NEURL1: variants seen among roughly 807,000 people sequenced by gnomAD.
NEURL1 encodes the protein E3 ubiquitin-protein ligase NEURL1.
Under a neutral mutation model 41.2 loss-of-function variants are expected in NEURL1, and 26 were observed. The ratio of observed to expected loss-of-function variants is 0.63; its 90% CI spans 0.46 to 0.87. NEURL1 has a LOEUF of 0.87. Among genes scored for constraint, NEURL1 ranks in the 40% least tolerant of loss-of-function variants. NEURL1 has a pLI of 0.00. For synonymous variants in NEURL1, 400 were observed against 402.3 expected, an observed-to-expected ratio of 0.99 and a Z score of 0.07; for missense variants, 761 against 871.1, an observed-to-expected ratio of 0.87 and a Z score of 1.59.
intron 4 of NEURL1, chr10:103,589,052 T>C: frequency 2.6e-6 from 1 of 386,740 alleles, no homozygotes; most frequent in Non-Finnish European, 5.0e-6. Context: ...ACTGCAGAGG[T>C]GCCATGCAGA....
chr10:103,555,070 A>G (rs1211381393), intron 1 of NEURL1, among the ~76,000 whole-genome samples: 1 of 151,928 alleles, frequency 6.6e-6, no homozygotes, highest in East Asian at 1.9e-4. Context: ...AATAAACATG[A>G]CAGATCCCAT....
intron 1 of NEURL1, among the ~76,000 whole-genome samples, chr10:103,557,102 C>T (rs2035172809): frequency 6.6e-6 from 1 of 152,132 alleles, no homozygotes; most frequent in Non-Finnish European, 1.5e-5. Context: ...TCTCACCTGT[C>T]AATGAGGCTA....
chr10:103,494,981 G>C (rs373317848), intron 1 of NEURL1, among the ~76,000 whole-genome samples: 5 of 152,344 alleles, frequency 3.3e-5, no homozygotes, highest in African/African-American at 1.2e-4. Context: ...GTCCTTTGCA[G>C]CCGTTGGGTT....
intron 1 of NEURL1, among the ~76,000 whole-genome samples, chr10:103,552,345 G>A (rs1254473602): frequency 2.0e-5 from 3 of 152,228 alleles, no homozygotes; most frequent in Non-Finnish European, 2.9e-5. Context: ...ATCCTGGCTC[G>A]GCAATGGAGC....
At chr10:103,547,738 G>T (rs1031694077) in intron 1 of NEURL1, among the ~76,000 whole-genome samples, 2 of 152,116 alleles carry the variant, frequency 1.3e-5, no homozygotes, top group Non-Finnish European at 2.9e-5. Context: ...TGAAGGGAGG[G>T]ATGGATTGAG....
Position 103,584,724 on chromosome 10 carries a change from T to A in NEURL1, c.838T>A (p.Ser280Thr). ...GCPIPQNSLNSQHSRALPAQL... is the reference protein window; with the variant it reads ...GCPIPQNSLNTQHSRALPAQL... ...CCCCATCCCGCAGAACTCACTCAAC[T>A]CGCAGCACAGCCGCGCGCTGCCGGC... Residue 280 changes from serine (S) to threonine (T), a missense_variant, in exon 4 of 6, where the codon TCG (serine) becomes ACG (threonine). Around this residue, in one of 5 missense-constraint regions of NEURL1, gnomAD observed 443 missense variants for 408.1 expected, o/e 1.09. Transcript: ENST00000369780. 2 of 1,450,544 alleles carry A rather than the reference T, an allele frequency of 1.4e-6. No homozygotes were observed. The highest frequency in any genetic ancestry group is 1.8e-6 in the Non-Finnish European group (2 of 1,106,220). The allele number at this position is 1,450,544 out of a possible 1,614,324, so 89.9% of individuals were successfully genotyped here.
At chr10:103,540,517 T>G (rs920480041) in intron 1 of NEURL1, among the ~76,000 whole-genome samples, 8 of 152,156 alleles carry the variant, frequency 5.3e-5, no homozygotes, top group African/African-American at 1.9e-4. Context: ...CTCGAACTCC[T>G]GTCCTCAAGT....
At chr10:103,522,473 G>A (rs1341797241) in intron 1 of NEURL1, among the ~76,000 whole-genome samples, 1 of 151,748 alleles carries the variant, frequency 6.6e-6, no homozygotes, top group Non-Finnish European at 1.5e-5. Context: ...AAATTAGCCG[G>A]GTGTGGTGGC....
At chr10:103,515,644 A>T (rs1004116382) in intron 1 of NEURL1, among the ~76,000 whole-genome samples, 2 of 152,254 alleles carry the variant, frequency 1.3e-5, no homozygotes, top group African/African-American at 4.8e-5. Context: ...GTTGCCAAGA[A>T]CAAATCACCA....
rs372200333 is a variant in NEURL1, at chr10:103,501,618, T to TTTTTTATTATTATTA, written c.85+7148_85+7149insTTTATTATTATTATT. Reference sequence around the variant, plus strand: ...AGAGGTAGGTATTATTCCCACTTTATTTATTATTATTATTATTATTATTAT... The same window carrying TTTTTTATTATTATTA: ...AGAGGTAGGTATTATTCCCACTTTATTTTTTATTATTATTATTATTATTATTATTATTATTATTAT... On this transcript the variant is annotated intron_variant, in intron 1 of 5. Transcript: ENST00000369780. 8.7e-4 allele frequency among the ~76,000 whole-genome samples: 124 copies of TTTTTTATTATTATTA among 142,598 alleles called. 1 individual carries two copies. Among genetic ancestry groups the TTTTTTATTATTATTA allele is most frequent in the African/African-American group, 3.2e-3 (122 of 38,572 alleles). 93.5% of individuals were successfully genotyped at this position (142,598 alleles called of 152,430 possible).
intron 4 of NEURL1, 105 bp downstream of exon 4, chr10:103,585,330 G>T (rs2035897096): frequency 9.4e-7 from 1 of 1,065,468 alleles, no homozygotes; most frequent in South Asian, 1.8e-5. Flanking sequence ...TCATGATGGT[G>T]TTGCTAAGGA....
intron 3 of NEURL1, among the ~76,000 whole-genome samples, chr10:103,579,259 C>A (rs983842628): frequency 1.3e-4 from 20 of 152,234 alleles, no homozygotes; most frequent in Non-Finnish European, 5.9e-5. Flanking sequence ...CCCAAACCCT[C>A]CTGTGTTTCA....
intron 1 of NEURL1, among the ~76,000 whole-genome samples, chr10:103,544,905 G>A (rs2034895871): frequency 2.0e-5 from 3 of 152,200 alleles, no homozygotes; most frequent in Non-Finnish European, 4.4e-5. Flanking sequence ...ATTAAAAGGG[G>A]CTGCCCTCCC....
intron 1 of NEURL1, among the ~76,000 whole-genome samples, chr10:103,507,066 G>A (rs1449900696): frequency 6.6e-6 from 1 of 152,188 alleles, no homozygotes; most frequent in Non-Finnish European, 1.5e-5. Context: ...TGCCCTACCT[G>A]CTTTCTCATC....
intron 1 of NEURL1, among the ~76,000 whole-genome samples, chr10:103,534,948 G>C (rs2034659690): frequency 6.6e-6 from 1 of 152,150 alleles, no homozygotes; most frequent in Non-Finnish European, 1.5e-5. Flanking sequence ...TGCTGGGAGG[G>C]AGAGGGCACA....
intron 1 of NEURL1, chr10:103,517,386 T>G (rs2034240557): frequency 6.6e-6 from 1 of 152,248 alleles, no homozygotes; most frequent in Non-Finnish European, 1.5e-5. Context: ...AAATACCTAC[T>G]GTTTAATGAC....
chr10:103,558,313 G>T lies in NEURL1; in HGVS notation c.86-12559G>T, dbSNP rs2035203543. 4 of 947,536 alleles carry T rather than the reference G, an allele frequency of 4.2e-6. No individual in the cohort carries two copies. In the African/African-American group the frequency reaches 5.3e-5, roughly 13 times the overall value. The allele number at this position is 947,536 out of a possible 1,614,324, so 58.7% of individuals were successfully genotyped here. On this transcript the variant is annotated intron_variant, in intron 1 of 5. Coordinates refer to ENST00000369780, the MANE Select transcript of NEURL1 (RefSeq NM_004210.5). The surrounding 1 kb of genome is among the most constrained non-coding windows in gnomAD (Gnocchi z 4.2). The stretch of plus-strand genomic sequence containing the variant: ...TATGTGTGTCGGGGGTCATCTAATT[G>T]TGTGTTTTGTTTGTGGACGTGTTTT...
intron 1 of NEURL1, among the ~76,000 whole-genome samples, chr10:103,519,939 A>G (rs1017618251): frequency 1.5e-4 from 23 of 151,840 alleles, no homozygotes; most frequent in African/African-American, 5.6e-4. Context: ...ATGTACCAGC[A>G]TACTCTGGCT....
intron 1 of NEURL1, among the ~76,000 whole-genome samples, chr10:103,501,847 T>C (rs2033833018): frequency 1.3e-5 from 2 of 152,194 alleles, no homozygotes; most frequent in South Asian, 4.2e-4. Context: ...TTGGCCAGGC[T>C]GGTCTCGAAC....
Sources: gnomAD v4.1 joint callset for allele counts (sites outside exome capture counted in the v4.1 genomes callset) on GRCh38, gnomAD v4.1.1 for gene constraint, gnomAD v4.1.1 regional missense constraint, Gnocchi (gnomAD v3.1) non-coding constraint, MANE v1.5 for transcripts, NCBI Gene and HGNC (gene_info 2026-07-23, HGNC 2026-07-21) for gene names.